Variants in SKIC3 observed in about 807,000 individuals in gnomAD.
SKIC3 encodes the protein superkiller complex protein 3.
At chr5:95,518,685 C>T in the SKIC3 span, among the ~76,000 whole-genome samples, 1 of 151,836 alleles carries the variant, frequency 6.6e-6, no homozygotes, top group Non-Finnish European at 1.5e-5. Context: ...ATATAAATAC[C>T]ACATTTTCTT....
the SKIC3 span, among the ~76,000 whole-genome samples, chr5:95,507,468 T>G: frequency 6.6e-6 from 1 of 152,192 alleles, no homozygotes; most frequent in African/African-American, 2.4e-5. Flanking sequence ...AGGGGACTAG[T>G]CACTAGAAGT....
At chr5:95,472,896 T>C in the SKIC3 span, among the ~76,000 whole-genome samples, 2 of 152,242 alleles carry the variant, frequency 1.3e-5, no homozygotes, top group Non-Finnish European at 2.9e-5. Flanking sequence ...CTTAGAATTA[T>C]GGCCTTCAGT....
At chr5:95,502,807 AC>A in the SKIC3 span, 1 of 1,591,934 alleles carries the variant, frequency 6.3e-7, no homozygotes, top group Non-Finnish European at 8.5e-7. Flanking sequence ...TGAAGAACTT[AC>A]GCTTTCTCCA....
chr5:95,524,571 T>C, the SKIC3 span: 1 of 1,613,642 alleles, frequency 6.2e-7, no homozygotes, highest in Non-Finnish European at 8.5e-7. Flanking sequence ...TTCGGTATCT[T>C]TCTCAAGAGC....
At chr5:95,519,832 A>G in the SKIC3 span, among the ~76,000 whole-genome samples, 1 of 152,002 alleles carries the variant, frequency 6.6e-6, no homozygotes, top group Non-Finnish European at 1.5e-5. Flanking sequence ...CTGTCACCCA[A>G]AGGTTCACAT....
chr5:95,474,564 T>G, the SKIC3 span, among the ~76,000 whole-genome samples: 2 of 152,346 alleles, frequency 1.3e-5, no homozygotes, highest in East Asian at 3.9e-4. Flanking sequence ...CTTCTTCTTT[T>G]GCATTGACCT....
the SKIC3 span, among the ~76,000 whole-genome samples, chr5:95,552,781 T>C: frequency 2.6e-5 from 4 of 152,028 alleles, no homozygotes; most frequent in Non-Finnish European, 5.9e-5. Context: ...AAAAATGTTG[T>C]ACGTTCACAA....
chr5:95,469,820 A>G, the SKIC3 span: 61 of 1,614,084 alleles, frequency 3.8e-5, no homozygotes, highest in Non-Finnish European at 4.7e-5. Context: ...AAAGCTTGTA[A>G]AAGAACAGCC....
the SKIC3 span, chr5:95,523,731 T>C: frequency 6.2e-7 from 1 of 1,613,732 alleles, no homozygotes; most frequent in Non-Finnish European, 8.5e-7. Context: ...TTCAAAGGCT[T>C]TCCTATAACA....
the SKIC3 span, among the ~76,000 whole-genome samples, chr5:95,484,199 T>C: frequency 6.6e-6 from 1 of 152,162 alleles, no homozygotes; most frequent in Non-Finnish European, 1.5e-5. Flanking sequence ...TACCTATATA[T>C]AAGATTGTTG....
chr5:95,512,729 T>C, the SKIC3 span: 3 of 1,264,834 alleles, frequency 2.4e-6, 1 homozygote, highest in Non-Finnish European at 3.4e-6. Context: ...ATCTCAGTGT[T>C]CTTTAAGTCA....
At chr5:95,521,085 C>G in the SKIC3 span, among the ~76,000 whole-genome samples, 1 of 151,990 alleles carries the variant, frequency 6.6e-6, no homozygotes, top group Non-Finnish European at 1.5e-5. Flanking sequence ...GGGCAAGTTA[C>G]TTACCTGCTA....
chr5:95,514,989 T>C, the SKIC3 span: 1 of 1,471,106 alleles, frequency 6.8e-7, no homozygotes, highest in South Asian at 1.2e-5. Flanking sequence ...CGCTTATGTT[T>C]AAAAAGCATA....
the SKIC3 span, among the ~76,000 whole-genome samples, chr5:95,487,299 C>A: frequency 6.6e-6 from 1 of 152,092 alleles, no homozygotes; most frequent in Non-Finnish European, 1.5e-5. Context: ...AATGAACTCC[C>A]CATATATATA....
At chr5:95,508,133 C>G in the SKIC3 span, among the ~76,000 whole-genome samples, 2 of 152,186 alleles carry the variant, frequency 1.3e-5, no homozygotes, top group Non-Finnish European at 2.9e-5. Context: ...CTTGATTACA[C>G]AGGCTCCAGT....
the SKIC3 span, chr5:95,498,589 G>A: frequency 1.2e-6 from 2 of 1,611,828 alleles, no homozygotes; most frequent in Admixed American, 1.7e-5. Context: ...CTTTAAGATA[G>A]AGCTGTAAAG....
At chr5:95,547,122 A>G in the SKIC3 span, 1 of 1,613,274 alleles carries the variant, frequency 6.2e-7, no homozygotes, top group Non-Finnish European at 8.5e-7. Context: ...AGCACTTTTT[A>G]GAGCAGTCTT....
At chr5:95,522,726 G>A in the SKIC3 span, among the ~76,000 whole-genome samples, 2 of 151,990 alleles carry the variant, frequency 1.3e-5, no homozygotes, top group Non-Finnish European at 2.9e-5. Context: ...TTCCATTTCC[G>A]TGAAAATGCC....
chr5:95,522,350 ATC>A, the SKIC3 span: 1 of 1,600,412 alleles, frequency 6.2e-7, no homozygotes, highest in Non-Finnish European at 8.5e-7. Context: ...GTATGGAACT[ATC>A]TCCAAATCTG....
Sources: allele counts gnomAD v4.1 joint callset (sites outside exome capture counted in the v4.1 genomes callset), GRCh38; gene constraint gnomAD v4.1.1; transcripts MANE v1.5; gene names NCBI Gene and HGNC (gene_info 2026-07-23, HGNC 2026-07-21).